The following ZNF608 variants were observed in gnomAD, a reference collection of about 807,000 sequenced individuals.
ZNF608 encodes renal carcinoma antigen NY-REN-36.
In ZNF608, 12 loss-of-function variants were observed where a neutral mutation model predicts 109.0. That is an observed-to-expected ratio of 0.11 (90% CI 0.07 to 0.18). The LOEUF is 0.18. Among genes scored for constraint, ZNF608 ranks in the 10% least tolerant of loss-of-function variants. The pLI, the probability that ZNF608 is intolerant of heterozygous loss-of-function variation, is 1.00. For missense variants in ZNF608, 1,707 were observed against 1,879.3 expected, an observed-to-expected ratio of 0.91 and a Z score of 1.70; for synonymous variants, 732 against 717.4, an observed-to-expected ratio of 1.02 and a Z score of -0.33.
At chr5:124,658,632 G>T (rs1224334648) in intron 3 of ZNF608, among the ~76,000 whole-genome samples, 1 of 152,110 alleles carries the variant, frequency 6.6e-6, no homozygotes, top group Non-Finnish European at 1.5e-5. Context: ...CTAGTGTGGG[G>T]CAGGTTTCTC....
chr5:124,737,684 A>G (rs1749213837), intron 2 of ZNF608, among the ~76,000 whole-genome samples: 1 of 152,196 alleles, frequency 6.6e-6, no homozygotes, highest in South Asian at 2.1e-4. Flanking sequence ...CTACATTCCC[A>G]AAGGTATTTC....
intron 3 of ZNF608, among the ~76,000 whole-genome samples, chr5:124,692,550 C>A (rs145084634): frequency 1.3e-5 from 2 of 152,204 alleles, no homozygotes. Flanking sequence ...TCCTATCATT[C>A]CATGTTTAAA....
At chr5:124,673,196 T>A (rs992637120) in intron 3 of ZNF608, among the ~76,000 whole-genome samples, 1 of 152,226 alleles carries the variant, frequency 6.6e-6, no homozygotes, top group Non-Finnish European at 1.5e-5. Flanking sequence ...AGCACAAAGC[T>A]GCAAATGCTT....
At chr5:124,695,909 C>T (rs765020001) in intron 3 of ZNF608, among the ~76,000 whole-genome samples, 52 of 151,468 alleles carry the variant, frequency 3.4e-4, no homozygotes, top group East Asian at 2.0e-4. Context: ...TTCGGCCGGG[C>T]GGGGTGGCTC....
At chr5:124,663,512 C>T (rs1362661183) in intron 3 of ZNF608, among the ~76,000 whole-genome samples, 2 of 152,104 alleles carry the variant, frequency 1.3e-5, no homozygotes, top group African/African-American at 2.4e-5. Flanking sequence ...GTTGACATTT[C>T]GGAAATCAAA....
chr5:124,666,073 C>A (rs1751466916), intron 3 of ZNF608, among the ~76,000 whole-genome samples: 1 of 152,168 alleles, frequency 6.6e-6, no homozygotes, highest in South Asian at 2.1e-4. Context: ...GGGAAATAGA[C>A]AATGAAGGTT....
intron 3 of ZNF608, among the ~76,000 whole-genome samples, chr5:124,695,973 C>T (rs1752832932): frequency 6.6e-6 from 1 of 152,098 alleles, no homozygotes; most frequent in Non-Finnish European, 1.5e-5. Flanking sequence ...CACCTGAGGT[C>T]AGGAGTTCGA....
intron 2 of ZNF608, among the ~76,000 whole-genome samples, chr5:124,709,108 T>C (rs1193653187): frequency 4.3e-5 from 6 of 141,078 alleles, no homozygotes; most frequent in Admixed American, 3.9e-4. Flanking sequence ...GAGGCGGAGA[T>C]TGCAGTGGGC....
chr5:124,709,205 T>C (rs1343949180), intron 2 of ZNF608, among the ~76,000 whole-genome samples: 2 of 111,802 alleles, frequency 1.8e-5, no homozygotes, highest in Non-Finnish European at 3.8e-5. Context: ...AAAATCTGGG[T>C]TCTGCATGGT....
In ZNF608 at chr5:124,744,481, G is replaced by C. The variant is rs2149908995; in HGVS notation, c.509C>G (p.Thr170Ser). ...GGTGGCGGCAGAGGTGCTGGTGCTG[G>C]TACTATTGCTGTTTGGGTTGCCGCT... The part of the protein sequence containing the change: ...GGSGNPNSNS[T>S]STSTSAATAG... The change falls in exon 2 of 10, where the codon ACC (threonine) becomes AGC (serine). Residue 170 changes from threonine to serine, a missense_variant. Transcript: ENST00000513986. This position sits in a 1 kb window ranked among gnomAD's most constrained non-coding sequence, Gnocchi z 4.5. 3 of 1,614,206 alleles carry C rather than the reference G, an allele frequency of 1.9e-6. No homozygotes were observed. Among genetic ancestry groups the C allele is most frequent in the Non-Finnish European group, 2.5e-6 (3 of 1,180,046 alleles).
At chr5:124,662,504 A>G (rs1406531392) in intron 3 of ZNF608, among the ~76,000 whole-genome samples, 2 of 152,238 alleles carry the variant, frequency 1.3e-5, no homozygotes, top group Non-Finnish European at 2.9e-5. Context: ...GCCTCTGTGC[A>G]TTAGGCCCAA....
chr5:124,642,516 T>C (rs1220799921), intron 7 of ZNF608, among the ~76,000 whole-genome samples: 1 of 152,104 alleles, frequency 6.6e-6, no homozygotes, highest in Non-Finnish European at 1.5e-5. Flanking sequence ...TCAATACAAG[T>C]AGCAGAAACC....
At chr5:124,656,851 C>CACACACAG in intron 3 of ZNF608, among the ~76,000 whole-genome samples, 1 of 131,784 alleles carries the variant, frequency 7.6e-6, no homozygotes, top group Middle Eastern at 3.7e-3. Context: ...CACACACACA[C>CACACACAG]AGCTAAAGAA....
At chr5:124,718,830 GC>G (rs1025645551) in intron 2 of ZNF608, among the ~76,000 whole-genome samples, 1 of 152,178 alleles carries the variant, frequency 6.6e-6, no homozygotes, top group African/African-American at 2.4e-5. Flanking sequence ...ATAAAGACAG[GC>G]AAGCCTTCTC....
At chr5:124,685,801 G>A (rs1237093585) in intron 3 of ZNF608, among the ~76,000 whole-genome samples, 3 of 152,124 alleles carry the variant, frequency 2.0e-5, no homozygotes, top group Non-Finnish European at 4.4e-5. Context: ...TAGAGCCACA[G>A]ACCTCTGTGC....
At chr5:124,717,680 T>C (rs549359758) in intron 2 of ZNF608, among the ~76,000 whole-genome samples, 5 of 152,284 alleles carry the variant, frequency 3.3e-5, no homozygotes, top group Non-Finnish European at 7.4e-5. Flanking sequence ...TAGTCCTTTT[T>C]TGTTGTTGTT....
rs1449588166 is a variant in ZNF608, at chr5:124,648,154, G to T, written c.2230C>A (p.Pro744Thr). ...ATAGCGATTAGCTGCGGGGGAGTGG[G>T]GGCTGGGGCAGGGGCAATGGGCCGG... is the stretch of plus-strand genomic sequence containing the variant. ...SARPIAPAPA[P>T]TPPQLIAIPT... The change falls in exon 5 of 10, where the codon CCC becomes ACC. Residue 744 changes from proline (P) to threonine (T), a missense_variant. This residue lies in a region of ZNF608 where 1,073 missense variants were observed against 1,133.5 expected (regional missense o/e 0.95). Transcript: ENST00000513986. 1.9e-6 allele frequency: 3 copies of T among 1,613,522 alleles called. No homozygotes were observed. The highest frequency in any genetic ancestry group is 4.5e-5 in the East Asian group (2 of 44,866).
Position 124,746,374 on chromosome 5 carries a change from C to T in ZNF608, c.-363G>A. On this transcript the variant is annotated 5_prime_UTR_variant, in exon 1 of 10. Coordinates refer to ENST00000513986, the MANE Select transcript of ZNF608 (RefSeq NM_020747.3). ...ATAACATTATTCCACCTCCCCACCC[C>T]CCTTTTGGCAAACGAATCAGTCCTT... The T allele has an allele frequency of 4.1e-6, 4 of 985,370 alleles. No homozygotes were observed. Among genetic ancestry groups the T allele is most frequent in the Non-Finnish European group, 4.8e-6 (4 of 829,940 alleles). 61.0% of individuals were successfully genotyped at this position (985,370 alleles called of 1,614,324 possible). A position where few individuals can be genotyped will look rare whatever the true frequency, so the allele number is the denominator to read the frequency against.
Position 124,727,652 on chromosome 5 carries a change from C to CAA in ZNF608, c.906+16430_906+16431dup, listed in dbSNP as rs369834437. Among the ~76,000 whole-genome samples, 717 of 82,436 alleles carry CAA rather than the reference C, an allele frequency of 8.7e-3. 18 individuals carry two copies. The highest frequency in any genetic ancestry group is 0.021 in the African/African-American group (437 of 21,176). The allele number at this position is 82,436 out of a possible 152,430, so 54.1% of individuals were successfully genotyped here. ...AGTCCCTTAAAAAAAAAAATCAGAC[C>CAA]AAAAAAAAAAAAAAAAAACCACACA... is the stretch of plus-strand genomic sequence containing the variant. On this transcript the variant is annotated intron_variant, in intron 2 of 9. Transcript: ENST00000513986.
Sources: gnomAD v4.1 joint callset for allele counts (sites outside exome capture counted in the v4.1 genomes callset) on GRCh38, gnomAD v4.1.1 for gene constraint, gnomAD v4.1.1 regional missense constraint, Gnocchi (gnomAD v3.1) non-coding constraint, MANE v1.5 for transcripts, NCBI Gene and HGNC (gene_info 2026-07-23, HGNC 2026-07-21) for gene names.